The following PARN variants were observed in gnomAD, a reference collection of about 807,000 sequenced individuals.
PARN encodes poly(A)-specific ribonuclease.
In PARN, 71 loss-of-function variants were observed where a neutral mutation model predicts 102.8. The observed-to-expected ratio is 0.69, with a 90% CI of 0.57 to 0.84. PARN has a LOEUF of 0.84. PARN is among the 40% of genes least tolerant of loss of function. The probability of loss-of-function intolerance (pLI) is 0.00; values close to 1 mark genes in which losing one functional copy is unlikely to be tolerated. For missense variants in PARN, 782 were observed against 760.9 expected, an observed-to-expected ratio of 1.03 and a Z score of -0.33; for synonymous variants, 261 against 252.9, an observed-to-expected ratio of 1.03 and a Z score of -0.30.
chr16:14,608,959 C>A, intron 8 of PARN, 99 bp downstream of exon 8: 2 of 662,720 alleles, frequency 3.0e-6, no homozygotes, highest in South Asian at 1.8e-5. Context: ...ATAAAAAGAC[C>A]CTTTATAAAG....
chr16:14,588,814 G>A (rs1689274568), intron 13 of PARN, among the ~76,000 whole-genome samples: 1 of 152,030 alleles, frequency 6.6e-6, no homozygotes, highest in Non-Finnish European at 1.5e-5. Context: ...CTTGGGAGAG[G>A]GAGGTTGCAG....
chr16:14,522,129 G>A (rs1327297701), intron 21 of PARN, among the ~76,000 whole-genome samples: 1 of 152,164 alleles, frequency 6.6e-6, no homozygotes, highest in Non-Finnish European at 1.5e-5. Context: ...GCTTATGACT[G>A]TATTACTAAG....
chr16:14,494,496 T>C (rs187495759), intron 21 of PARN, among the ~76,000 whole-genome samples: 1 of 152,042 alleles, frequency 6.6e-6, no homozygotes, highest in Non-Finnish European at 1.5e-5. Flanking sequence ...GGAGAGCAGG[T>C]AGTGTAGAAA....
intron 22 of PARN, among the ~76,000 whole-genome samples, chr16:14,476,073 T>C (rs1963030895): frequency 6.6e-6 from 1 of 152,074 alleles, no homozygotes; most frequent in Admixed American, 6.5e-5. Flanking sequence ...AAAATAAAAA[T>C]AAAAGACAGA....
At chr16:14,490,169 T>A (rs1963983293) in intron 21 of PARN, among the ~76,000 whole-genome samples, 1 of 152,080 alleles carries the variant, frequency 6.6e-6, no homozygotes, top group African/African-American at 2.4e-5. Context: ...AATAAATAAA[T>A]AAATAAATAA....
chr16:14,584,780 G>A lies in PARN; in HGVS notation c.974C>T (p.Thr325Ile). 6.4e-7 allele frequency: 1 copy of A among 1,555,320 alleles called. No individual in the cohort carries two copies. The stretch of plus-strand genomic sequence containing the variant: ...AGGTTGTGTGCTGGCCATCAATTTA[G>A]TATCCAAGAGTCTAAAAAGAATTTT... ...TTCVFPRLLDTKLMASTQPFK... is the reference protein window; with the variant it reads ...TTCVFPRLLDIKLMASTQPFK... Residue 325 changes from threonine (T) to isoleucine (I), a missense_variant, in exon 15 of 24, where the codon ACT (threonine) becomes ATT (isoleucine). Coordinates refer to ENST00000437198, the MANE Select transcript of PARN (RefSeq NM_002582.4).
At chr16:14,458,907 G>A (rs962470965) in intron 22 of PARN, among the ~76,000 whole-genome samples, 2 of 152,138 alleles carry the variant, frequency 1.3e-5, no homozygotes, top group African/African-American at 2.4e-5. Context: ...ATGAGCTGAC[G>A]AAATGGGGTA....
intron 22 of PARN, among the ~76,000 whole-genome samples, chr16:14,454,537 C>T (rs914613058): frequency 6.6e-6 from 1 of 152,062 alleles, no homozygotes; most frequent in African/African-American, 2.4e-5. Flanking sequence ...CAGTGGTTAT[C>T]ATTTTAGTTC....
chr16:14,596,784 T>G (rs1036189648), intron 12 of PARN, among the ~76,000 whole-genome samples: 1 of 150,962 alleles, frequency 6.6e-6, no homozygotes, highest in African/African-American at 2.4e-5. Flanking sequence ...CATTTTTTTC[T>G]TTCCTTTTTT....
intron 22 of PARN, among the ~76,000 whole-genome samples, chr16:14,464,394 C>G (rs1184296007): frequency 1.3e-5 from 2 of 152,128 alleles, no homozygotes; most frequent in Non-Finnish European, 2.9e-5. Flanking sequence ...GGAGCAGTAT[C>G]TTAAAATGAA....
At chr16:14,502,123 T>C (rs1476726734) in intron 21 of PARN, among the ~76,000 whole-genome samples, 2 of 152,142 alleles carry the variant, frequency 1.3e-5, no homozygotes, top group Non-Finnish European at 2.9e-5. Flanking sequence ...TGGGCAACTG[T>C]TTTCTTATCT....
chr16:14,568,109 G>A (rs1406490596), intron 18 of PARN, among the ~76,000 whole-genome samples: 1 of 152,124 alleles, frequency 6.6e-6, no homozygotes, highest in Non-Finnish European at 1.5e-5. Flanking sequence ...CAGCACTGTG[G>A]GAGGCCGAGA....
chr16:14,495,447 G>A (rs1964267507), intron 21 of PARN, among the ~76,000 whole-genome samples: 1 of 152,146 alleles, frequency 6.6e-6, no homozygotes. Context: ...CCACATTCCA[G>A]CCTGGACCAC....
At chr16:14,511,158 A>G (rs1965168504) in intron 21 of PARN, among the ~76,000 whole-genome samples, 1 of 152,234 alleles carries the variant, frequency 6.6e-6, no homozygotes, top group Non-Finnish European at 1.5e-5. Context: ...AAAAAATGTA[A>G]GAAATAAAAA....
chr16:14,552,641 A>G (rs1967380087), intron 20 of PARN, among the ~76,000 whole-genome samples: 1 of 152,106 alleles, frequency 6.6e-6, no homozygotes, highest in African/African-American at 2.4e-5. Context: ...ATGCTTACAC[A>G]TAATCTTATT....
At chr16:14,538,529 A>G (rs1966713535) in intron 21 of PARN, among the ~76,000 whole-genome samples, 2 of 151,804 alleles carry the variant, frequency 1.3e-5, no homozygotes, top group African/African-American at 2.4e-5. Flanking sequence ...CCTTTTTTTC[A>G]CATTTTCAAT....
intron 21 of PARN, among the ~76,000 whole-genome samples, chr16:14,529,820 G>C (rs1235991297): frequency 6.6e-6 from 1 of 152,042 alleles, no homozygotes; most frequent in Non-Finnish European, 1.5e-5. Context: ...GGGACTCCTT[G>C]GTAGACTGTG....
chr16:14,502,789 A>G (rs1268690242), intron 21 of PARN, among the ~76,000 whole-genome samples: 1 of 152,162 alleles, frequency 6.6e-6, no homozygotes, highest in South Asian at 2.1e-4. Context: ...ACCTCCAGTG[A>G]TATTTCTTCA....
chr16:14,563,545 G>T (rs1968231767), intron 18 of PARN, among the ~76,000 whole-genome samples: 1 of 147,344 alleles, frequency 6.8e-6, no homozygotes, highest in African/African-American at 2.5e-5. Flanking sequence ...TTAAGTTCTG[G>T]GATACATGTG....
Sources: gnomAD v4.1 joint callset for allele counts (sites outside exome capture counted in the v4.1 genomes callset) on GRCh38, gnomAD v4.1.1 for gene constraint, MANE v1.5 for transcripts, NCBI Gene and HGNC (gene_info 2026-07-23, HGNC 2026-07-21) for gene names.